Variants in AGBL1 observed in about 807,000 individuals in gnomAD.
AGBL1 encodes the protein AGBL carboxypeptidase 1.
AGBL1 carries 130 observed loss-of-function variants against 118.9 expected under a neutral mutation model. That is an observed-to-expected ratio of 1.09 (90% CI 0.95 to 1.26). The LOEUF is 1.26. AGBL1 is among the 50% of genes most tolerant of loss of function. The probability of loss-of-function intolerance (pLI) is 0.00; values close to 1 mark genes in which losing one functional copy is unlikely to be tolerated. For synonymous variants in AGBL1, 555 were observed against 478.9 expected, an observed-to-expected ratio of 1.16 and a Z score of -2.08; for missense variants, 1,584 against 1,298.1, an observed-to-expected ratio of 1.22 and a Z score of -3.38.
intron 23 of AGBL1, among the ~76,000 whole-genome samples, chr15:86,983,142 G>C (rs1260402766): frequency 6.6e-6 from 1 of 151,876 alleles, no homozygotes; most frequent in Non-Finnish European, 1.5e-5. Flanking sequence ...GATTACTATT[G>C]AGTTGACCTT....
intron 22 of AGBL1, among the ~76,000 whole-genome samples, chr15:86,818,447 TCTAATGC>T (rs1029821756): frequency 1.3e-5 from 2 of 152,168 alleles, no homozygotes; most frequent in Non-Finnish European, 1.5e-5. Context: ...CTGAGGAGAA[TCTAATGC>T]CTAATGCCTA....
intron 22 of AGBL1, among the ~76,000 whole-genome samples, chr15:86,896,893 A>C (rs1241335595): frequency 6.6e-6 from 1 of 152,170 alleles, no homozygotes; most frequent in Non-Finnish European, 1.5e-5. Context: ...GATCTTCACT[A>C]TATCAATCTT....
At chr15:86,663,426 G>T (rs2085582497) in intron 21 of AGBL1, among the ~76,000 whole-genome samples, 1 of 152,166 alleles carries the variant, frequency 6.6e-6, no homozygotes. Flanking sequence ...AAACCATAGA[G>T]ACCCAGGTCT....
intron 5 of AGBL1, among the ~76,000 whole-genome samples, chr15:86,185,685 T>G (rs1380493217): frequency 6.7e-6 from 1 of 149,004 alleles, no homozygotes; most frequent in Non-Finnish European, 1.5e-5. Flanking sequence ...ATGTTCCCGC[T>G]CATAGGTGGG....
intron 19 of AGBL1, among the ~76,000 whole-genome samples, chr15:86,526,544 G>GTGTGTGTA (rs754816154): frequency 9.5e-4 from 113 of 119,436 alleles, no homozygotes; most frequent in East Asian, 1.3e-3. Flanking sequence ...TTGTGTCTGT[G>GTGTGTGTA]TATATATATA....
intron 18 of AGBL1, among the ~76,000 whole-genome samples, chr15:86,461,195 A>C (rs1034586312): frequency 6.6e-6 from 1 of 152,180 alleles, no homozygotes; most frequent in South Asian, 2.1e-4. Context: ...ACCATGCCCC[A>C]TCGGTGGTAG....
At chr15:86,829,850 G>T (rs934525340) in intron 22 of AGBL1, among the ~76,000 whole-genome samples, 4 of 152,006 alleles carry the variant, frequency 2.6e-5, no homozygotes, top group African/African-American at 9.7e-5. Context: ...GGGAAAACTA[G>T]TTGCGTGCAT....
At chr15:86,846,207 A>G (rs1410467759) in intron 22 of AGBL1, among the ~76,000 whole-genome samples, 1 of 152,192 alleles carries the variant, frequency 6.6e-6, no homozygotes, top group Non-Finnish European at 1.5e-5. Flanking sequence ...CAGCTAGAAA[A>G]GCACTCTCTC....
intron 16 of AGBL1, among the ~76,000 whole-genome samples, chr15:86,290,847 G>A (rs1254975485): frequency 4.2e-5 from 6 of 143,702 alleles, no homozygotes; most frequent in African/African-American, 1.6e-4. Context: ...CCCTTCCCCC[G>A]ACCCCACAAC....
chr15:86,201,661 C>T (rs2077909148), intron 5 of AGBL1, among the ~76,000 whole-genome samples: 1 of 152,144 alleles, frequency 6.6e-6, no homozygotes, highest in Admixed American at 6.5e-5. Context: ...CAAAACCTGG[C>T]AGCTGGAGGG....
intron 22 of AGBL1, among the ~76,000 whole-genome samples, chr15:86,827,330 T>TAC: frequency 8.8e-5 from 1 of 11,336 alleles, no homozygotes; most frequent in South Asian, 3.0e-3. Flanking sequence ...CACACATATA[T>TAC]ATATATATGT....
At chr15:86,283,200 T>C (rs915325166) in intron 16 of AGBL1, among the ~76,000 whole-genome samples, 4 of 152,172 alleles carry the variant, frequency 2.6e-5, no homozygotes, top group Non-Finnish European at 5.9e-5. Flanking sequence ...CGTTACAGTA[T>C]TAGAATTATG....
chr15:86,264,890 T>C, intron 11 of AGBL1, 52 bp downstream of exon 11: 1 of 1,444,102 alleles, frequency 6.9e-7, no homozygotes, highest in Non-Finnish European at 9.4e-7. Context: ...TTGATAATTT[T>C]ATAAGTAAAA....
chr15:86,240,690 C>T (rs964655033), intron 6 of AGBL1, among the ~76,000 whole-genome samples: 3 of 152,218 alleles, frequency 2.0e-5, no homozygotes, highest in East Asian at 3.9e-4. Flanking sequence ...CTGAAAAAGA[C>T]GAGTTGAATT....
chr15:86,617,754 TTA>T (rs1784180128), intron 21 of AGBL1, among the ~76,000 whole-genome samples: 2 of 113,470 alleles, frequency 1.8e-5, no homozygotes, highest in Non-Finnish European at 3.6e-5. Flanking sequence ...TGATTCAACT[TTA>T]TGCGCACACA....
At chr15:86,378,994 A>G (rs1365948552) in intron 17 of AGBL1, among the ~76,000 whole-genome samples, 1 of 151,062 alleles carries the variant, frequency 6.6e-6, no homozygotes, top group East Asian at 2.0e-4. Context: ...CTCACTGCAA[A>G]CTCCACCTCC....
intron 21 of AGBL1, chr15:86,631,125 C>T (rs2084957143): frequency 6.5e-6 from 1 of 152,816 alleles, no homozygotes; most frequent in Non-Finnish European, 1.5e-5. Context: ...GTCCGGCTCT[C>T]TTCCTGCTTC....
At chr15:86,531,931 C>T (rs2142220514) in intron 19 of AGBL1, among the ~76,000 whole-genome samples, 1 of 151,132 alleles carries the variant, frequency 6.6e-6, no homozygotes, top group South Asian at 2.1e-4. Context: ...TAAAAACTCT[C>T]AATAAATTAT....
In AGBL1 at chr15:86,605,080, C is replaced by G. The variant is rs150337558; in HGVS notation, c.2994+50543C>G. On this transcript the variant is annotated intron_variant, in intron 21 of 22. Coordinates refer to ENST00000614907, the MANE Select transcript of AGBL1 (RefSeq NM_001386094.1). ...AAAGTGCTGGGATTACAGGCGTGAG[C>G]CACCGCGCTCAGCTCACCTTTCTTT... Among the ~76,000 whole-genome samples the G allele has an allele frequency of 7.3e-3, 1,113 of 152,236 alleles. 9 individuals carry two copies. The highest frequency in any genetic ancestry group is 0.025 in the African/African-American group (1,046 of 41,548).
Sources: gnomAD v4.1 joint callset for allele counts (sites outside exome capture counted in the v4.1 genomes callset) on GRCh38, gnomAD v4.1.1 for gene constraint, MANE v1.5 for transcripts, NCBI Gene and HGNC (gene_info 2026-07-23, HGNC 2026-07-21) for gene names.